PAPOLG: variants seen among roughly 807,000 people sequenced by gnomAD.
The protein encoded by PAPOLG is poly(A) polymerase gamma.
PAPOLG carries 40 observed loss-of-function variants against 99.0 expected under a neutral mutation model. The ratio of observed to expected loss-of-function variants is 0.40; its 90% CI spans 0.31 to 0.53. The LOEUF (loss-of-function observed/expected upper bound fraction) is 0.53, where lower values mean the gene tolerates loss of function less well. Ranked by LOEUF, PAPOLG falls within the 20% of genes least tolerant of loss-of-function variation. The pLI is 0.41. For missense variants in PAPOLG, 675 were observed against 884.1 expected (o/e 0.76, Z 3.00); for synonymous variants, 310 against 299.3 (o/e 1.04, Z -0.37).
chr2:60,783,324 C>CTTT (rs72172236), intron 13 of PAPOLG, 115 bp downstream of exon 13: 2,900 of 157,666 alleles, frequency 0.018, 60 homozygotes, highest in South Asian at 0.04. Context: ...TATTATATCT[C>CTTT]TTTTTTTTTT....
chr2:60,774,884 A>G (rs934296456), intron 7 of PAPOLG, 150 bp from the exon 8 acceptor site: 11 of 1,355,486 alleles, frequency 8.1e-6, no homozygotes, highest in African/African-American at 1.5e-5. Context: ...CTGATTTCTC[A>G]TAAGTGGTAA....
intron 15 of PAPOLG, 182 bp from the exon 16 acceptor site, chr2:60,791,579 G>A: frequency 1.8e-6 from 1 of 543,774 alleles, no homozygotes. Flanking sequence ...GTGGATTCAT[G>A]AATAGGATTG....
Position 60,782,012 on chromosome 2 carries a change from A to C in PAPOLG, c.1027+7A>C, listed in dbSNP as rs369233589. 2 of 1,612,636 alleles carry C rather than the reference A, an allele frequency of 1.2e-6. No individual in the cohort carries two copies. Among genetic ancestry groups the C allele is most frequent in the African/African-American group, 1.3e-5 (1 of 74,900 alleles). On this transcript the variant is annotated splice_region_variant and intron_variant, in intron 11 of 21. Transcript: ENST00000238714. ...GTAGAAGAATTTAAACAAGGTAAAC[A>C]TGTGGCCCTGTTGCCCTTTACATAT...
At chr2:60,772,446 C>CAAAA (rs35297734) in intron 7 of PAPOLG, among the ~76,000 whole-genome samples, 46 of 84,142 alleles carry the variant, frequency 5.5e-4, no homozygotes, top group African/African-American at 2.0e-3. Context: ...GACCCTGTCT[C>CAAAA]AAAAAAAAAA....
rs760416551 is a variant in PAPOLG at position 60,786,912 on chromosome 2, G to A, written c.1167-35G>A. The stretch of plus-strand genomic sequence containing the variant: ...GAGTGTAGCTTTCAAATTTAAAGTG[G>A]ACATAAGATAAATTGTGTTTGTTGT... On this transcript the variant is annotated intron_variant, in intron 13 of 21. Coordinates refer to ENST00000238714, the MANE Select transcript of PAPOLG (RefSeq NM_022894.4). The A allele has an allele frequency of 1.9e-6, 3 of 1,589,684 alleles. No homozygotes were observed. In the South Asian group the frequency reaches 3.5e-5, roughly 18 times the overall value.
chr2:60,788,685 A>G (rs1052907975), intron 15 of PAPOLG, among the ~76,000 whole-genome samples: 2 of 152,158 alleles, frequency 1.3e-5, no homozygotes, highest in Admixed American at 6.6e-5. Flanking sequence ...GTTTGTGATC[A>G]CAGTCTTAAA....
intron 7 of PAPOLG, among the ~76,000 whole-genome samples, chr2:60,771,865 A>G (rs529064602): frequency 1.3e-5 from 2 of 152,226 alleles, no homozygotes; most frequent in African/African-American, 2.4e-5. Flanking sequence ...ACTTCTTTAC[A>G]CTCTTAAGAT....
intron 3 of PAPOLG, among the ~76,000 whole-genome samples, chr2:60,765,153 C>T (rs1375923328): frequency 6.6e-6 from 1 of 151,774 alleles, no homozygotes; most frequent in African/African-American, 2.4e-5. Context: ...ACTACAGCCT[C>T]AAACTCCTAG....
intron 19 of PAPOLG, 35 bp from the exon 20 acceptor site, chr2:60,794,675 C>T (rs1671642858): frequency 8.9e-6 from 14 of 1,569,526 alleles, no homozygotes; most frequent in Non-Finnish European, 1.2e-5. Context: ...TTTGTAGGTA[C>T]ATAATAGCAA....
intron 21 of PAPOLG, chr2:60,795,473 C>T (rs1287824929): frequency 5.2e-6 from 1 of 192,440 alleles, no homozygotes; most frequent in Non-Finnish European, 1.1e-5. Flanking sequence ...GCTAAACGCC[C>T]CTAAATTGTA....
chr2:60,769,972 A>G (rs1432507900), intron 5 of PAPOLG, among the ~76,000 whole-genome samples: 1 of 120,978 alleles, frequency 8.3e-6, no homozygotes, highest in Non-Finnish European at 1.6e-5. Flanking sequence ...CCCTGTGTCC[A>G]TGTGTTCTCA....
chr2:60,762,619 A>C (rs1366428648), intron 3 of PAPOLG, among the ~76,000 whole-genome samples: 3 of 151,462 alleles, frequency 2.0e-5, no homozygotes, highest in Non-Finnish European at 4.4e-5. Flanking sequence ...TTTTATTAGC[A>C]TGTTTAAATT....
intron 8 of PAPOLG, among the ~76,000 whole-genome samples, chr2:60,778,453 C>T (rs1204662232): frequency 6.6e-6 from 1 of 152,090 alleles, no homozygotes; most frequent in East Asian, 1.9e-4. Flanking sequence ...GGTGGGATTA[C>T]AGGTGTGAGC....
chr2:60,786,585 G>C (rs975100668), intron 13 of PAPOLG, among the ~76,000 whole-genome samples: 1 of 151,726 alleles, frequency 6.6e-6, no homozygotes, highest in East Asian at 1.9e-4. Flanking sequence ...CTGGAGTGCA[G>C]TGGCACAATC....
chr2:60,794,332 T>C, intron 19 of PAPOLG, 141 bp downstream of exon 19: 1 of 857,554 alleles, frequency 1.2e-6, no homozygotes. Context: ...GAAACAATAT[T>C]AATTGCTCAT....
Position 60,781,986 on chromosome 2 carries a change from G to A in PAPOLG, c.1008G>A (p.Met336Ile), listed in dbSNP as rs946911662. 36 of 1,613,786 alleles carry A rather than the reference G, an allele frequency of 2.2e-5. 1 individual carries two copies. The African/African-American group carries it at 4.5e-4, about 20-fold the overall frequency. ...YNVSTSTRTVMVEEFKQGLAV... is the reference protein window; with the variant it reads ...YNVSTSTRTVIVEEFKQGLAV... Reference sequence around the variant, plus strand: ...TGTCCACATCAACTCGAACAGTAATGGTAGAAGAATTTAAACAAGGTAAAC... The same window carrying A: ...TGTCCACATCAACTCGAACAGTAATAGTAGAAGAATTTAAACAAGGTAAAC... Residue 336 changes from methionine to isoleucine, a missense_variant, in exon 11 of 22, where the codon ATG (methionine) becomes ATA (isoleucine). By Grantham distance (10) the Met-to-Ile change is conservative. Coordinates refer to ENST00000238714, the MANE Select transcript of PAPOLG (RefSeq NM_022894.4).
intron 8 of PAPOLG, among the ~76,000 whole-genome samples, chr2:60,778,954 G>A (rs943569519): frequency 6.6e-6 from 1 of 152,022 alleles, no homozygotes; most frequent in Non-Finnish European, 1.5e-5. Flanking sequence ...CAACCATGGT[G>A]GTGCACCCCT....
At chr2:60,790,140 C>T (rs1000075799) in intron 15 of PAPOLG, among the ~76,000 whole-genome samples, 3 of 152,090 alleles carry the variant, frequency 2.0e-5, no homozygotes, top group African/African-American at 7.2e-5. Context: ...ACCTTAGAAC[C>T]ATTAAATCAC....
intron 8 of PAPOLG, among the ~76,000 whole-genome samples, chr2:60,778,062 C>T (rs889111420): frequency 1.1e-4 from 16 of 152,110 alleles, no homozygotes; most frequent in Admixed American, 7.2e-4. Flanking sequence ...TCAAGGTTGC[C>T]GCAAACCTTC....
Sources: allele counts gnomAD v4.1 joint callset (sites outside exome capture counted in the v4.1 genomes callset), GRCh38; gene constraint gnomAD v4.1.1; transcripts MANE v1.5; gene names NCBI Gene and HGNC (gene_info 2026-07-23, HGNC 2026-07-21).